The following SRGAP2C variants were observed in gnomAD, a reference collection of about 807,000 sequenced individuals.
SRGAP2C encodes SLIT-ROBO Rho GTPase-activating protein 2C.
Under a neutral mutation model 25.1 loss-of-function variants are expected in SRGAP2C, and 15 were observed. The observed-to-expected ratio is 0.60, with a 90% CI of 0.40 to 0.92. The LOEUF (loss-of-function observed/expected upper bound fraction) is 0.92. Ranked by LOEUF, SRGAP2C falls within the 40% of genes least tolerant of loss-of-function variation. The pLI, the probability that SRGAP2C is intolerant of heterozygous loss-of-function variation, is 0.00. For missense variants in SRGAP2C, 144 were observed against 264.4 expected (o/e 0.54, Z 3.16); for synonymous variants, 44 against 96.6 (o/e 0.46, Z 3.19).
chr1:121,206,382 T>A (rs587596267), intron 2 of SRGAP2C, among the ~76,000 whole-genome samples: 21 of 152,292 alleles, frequency 1.4e-4, no homozygotes, highest in African/African-American at 5.1e-4. Flanking sequence ...AGAGGAGTTA[T>A]AGACAGAGGA....
intron 3 of SRGAP2C, among the ~76,000 whole-genome samples, chr1:121,307,950 T>A (rs1410401477): frequency 3.3e-5 from 5 of 150,478 alleles, no homozygotes; most frequent in African/African-American, 1.2e-4. Context: ...CTTTTCCTAT[T>A]CACTTGCCTT....
At chr1:121,190,059 C>A (rs1379310154) in intron 2 of SRGAP2C, among the ~76,000 whole-genome samples, 10 of 151,730 alleles carry the variant, frequency 6.6e-5, no homozygotes, top group African/African-American at 2.4e-4. Flanking sequence ...AAGAAAAAGT[C>A]TCTACCCTCG....
At chr1:121,353,493 G>T (rs1490506395) in intron 4 of SRGAP2C, among the ~76,000 whole-genome samples, 5 of 129,888 alleles carry the variant, frequency 3.8e-5, no homozygotes, top group Non-Finnish European at 8.3e-5. Context: ...AACCCTGTGG[G>T]GTTTTAAATA....
intron 2 of SRGAP2C, among the ~76,000 whole-genome samples, chr1:121,212,162 G>A (rs1250929562): frequency 4.9e-5 from 5 of 101,300 alleles, no homozygotes; most frequent in Admixed American, 1.4e-4. Flanking sequence ...ACGGAGTCTC[G>A]CTCTGTCGCC....
At chr1:121,266,167 G>A (rs1471602289) in intron 2 of SRGAP2C, among the ~76,000 whole-genome samples, 2 of 150,518 alleles carry the variant, frequency 1.3e-5, no homozygotes, top group Non-Finnish European at 1.5e-5. Context: ...TAGAGATGGG[G>A]TTTCGCCATG....
intron 3 of SRGAP2C, among the ~76,000 whole-genome samples, chr1:121,303,891 G>A (rs1275199917): frequency 2.0e-5 from 3 of 149,420 alleles, no homozygotes; most frequent in Non-Finnish European, 4.5e-5. Flanking sequence ...GTCCTAGAGT[G>A]TACAGAAAGT....
At chr1:121,218,754 GA>G (rs1306326982) in intron 2 of SRGAP2C, among the ~76,000 whole-genome samples, 17 of 150,482 alleles carry the variant, frequency 1.1e-4, no homozygotes, top group East Asian at 3.9e-4. Context: ...CTCAGAGGGG[GA>G]AAAAAAAAGT....
intron 4 of SRGAP2C, among the ~76,000 whole-genome samples, chr1:121,345,669 T>TTTTTA (rs1658725537): frequency 7.2e-6 from 1 of 139,216 alleles, no homozygotes; most frequent in African/African-American, 2.6e-5. Context: ...TTTTTTTTTT[T>TTTTTA]GAGATGGAGT....
chr1:121,196,987 T>G (rs1350042752), intron 2 of SRGAP2C, among the ~76,000 whole-genome samples: 1 of 151,370 alleles, frequency 6.6e-6, no homozygotes, highest in African/African-American at 2.4e-5. Context: ...AGACTGTTAA[T>G]ATTAATCACT....
intron 4 of SRGAP2C, among the ~76,000 whole-genome samples, chr1:121,328,539 A>G (rs1257511465): frequency 6.6e-6 from 1 of 151,124 alleles, no homozygotes; most frequent in African/African-American, 2.4e-5. Flanking sequence ...AGTAGTTACT[A>G]TTGTCATCAT....
intron 4 of SRGAP2C, among the ~76,000 whole-genome samples, chr1:121,347,624 C>A (rs1471080329): frequency 6.6e-6 from 1 of 152,232 alleles, no homozygotes; most frequent in East Asian, 1.9e-4. Context: ...GGCTGCAAAG[C>A]CCTAATGCCA....
intron 4 of SRGAP2C, among the ~76,000 whole-genome samples, chr1:121,350,017 CT>C (rs1445535835): frequency 8.4e-6 from 1 of 119,340 alleles, no homozygotes; most frequent in Non-Finnish European, 1.7e-5. Context: ...ATGGGAGCTG[CT>C]TTCCTTGAAG....
chr1:121,193,667 C>CTTTTTTT (rs60707143), intron 2 of SRGAP2C, among the ~76,000 whole-genome samples: 100 of 19,630 alleles, frequency 5.1e-3, no homozygotes, highest in Non-Finnish European at 6.6e-3. Flanking sequence ...GTTCTTTTTT[C>CTTTTTTT]TTTTTTTTTT....
At chr1:121,354,589 C>T (rs1406219447) in intron 4 of SRGAP2C, among the ~76,000 whole-genome samples, 4 of 106,900 alleles carry the variant, frequency 3.7e-5, no homozygotes, top group South Asian at 3.7e-4. Flanking sequence ...GTAGAGACAG[C>T]GTTTCACCAT....
rs1301959447 is a variant in SRGAP2C at position 121,295,771 on chromosome 1, T to G, written c.260+10776T>G. On this transcript the variant is annotated intron_variant, in intron 3 of 9. Coordinates refer to ENST00000367123, the MANE Select transcript of SRGAP2C (RefSeq NM_001329984.2). ...GTTGTTGTTGTTGTTGTTGTTTGGG[T>G]TTTTTTTTAGATGGAGTTTCGCTCT... is the stretch of plus-strand genomic sequence containing the variant. Among the ~76,000 whole-genome samples the G allele has an allele frequency of 5.3e-5, 8 of 150,648 alleles. No individual in the cohort carries two copies. In the East Asian group the frequency reaches 7.8e-4, roughly 15 times the overall value.
At position 121,391,610 on chromosome 1, in the gene SRGAP2C, C is replaced by A. The variant is rs1553357903; in HGVS notation, c.*3755C>A. ...AAACAAAAAGACTTCGGTGACCACA[C>A]CTTATAAACCAAACAGTTTTGTAAA... On this transcript the variant is annotated 3_prime_UTR_variant, in exon 10 of 10. Coordinates refer to ENST00000367123, the MANE Select transcript of SRGAP2C (RefSeq NM_001329984.2). 1 of 152,304 alleles carries A rather than the reference C, an allele frequency of 6.6e-6. No homozygotes were observed. The highest frequency in any genetic ancestry group is 2.4e-5 in the African/African-American group (1 of 41,486). 9.4% of individuals were successfully genotyped at this position (152,304 alleles called of 1,614,324 possible).
At chr1:121,314,591 C>T (rs1553340378) in intron 3 of SRGAP2C, among the ~76,000 whole-genome samples, 4 of 151,364 alleles carry the variant, frequency 2.6e-5, no homozygotes, top group African/African-American at 9.7e-5. Context: ...TGGTGATGTA[C>T]AGATGGGTTT....
intron 4 of SRGAP2C, among the ~76,000 whole-genome samples, chr1:121,335,314 C>T (rs1253247823): frequency 3.5e-5 from 5 of 142,440 alleles, no homozygotes; most frequent in African/African-American, 1.3e-4. Flanking sequence ...GCACTCCAGC[C>T]TGGGAGACAG....
chr1:121,328,937 A>AGTG (rs2101615324), intron 4 of SRGAP2C, among the ~76,000 whole-genome samples: 2 of 134,466 alleles, frequency 1.5e-5, no homozygotes, highest in East Asian at 4.7e-4. Context: ...GAGGGCTGGG[A>AGTG]GTGGTGACTC....
Sources: allele counts gnomAD v4.1 joint callset (sites outside exome capture counted in the v4.1 genomes callset), GRCh38; gene constraint gnomAD v4.1.1; transcripts MANE v1.5; gene names NCBI Gene and HGNC (gene_info 2026-07-23, HGNC 2026-07-21).